The following CHRNA7 variants were observed in gnomAD, a reference collection of about 807,000 sequenced individuals.
CHRNA7 encodes neuronal acetylcholine receptor subunit alpha-7.
CHRNA7 carries 17 observed loss-of-function variants against 48.0 expected under a neutral mutation model. The ratio of observed to expected loss-of-function variants is 0.35; its 90% CI spans 0.24 to 0.53. The LOEUF is 0.53. Ranked by LOEUF, CHRNA7 falls within the 20% of genes least tolerant of loss-of-function variation. The probability of loss-of-function intolerance (pLI) is 0.92; values close to 1 mark genes in which losing one functional copy is unlikely to be tolerated. For missense variants in CHRNA7, 155 were observed against 577.7 expected, an observed-to-expected ratio of 0.27 and a Z score of 7.50; for synonymous variants, 75 against 242.3, an observed-to-expected ratio of 0.31 and a Z score of 6.41.
intron 2 of CHRNA7, among the ~76,000 whole-genome samples, chr15:32,067,222 A>C (rs1006435602): frequency 6.6e-6 from 1 of 152,336 alleles, no homozygotes; most frequent in East Asian, 1.9e-4. Context: ...CCACACCTAG[A>C]TACATCATAA....
chr15:32,059,717 T>G (rs1566810509), intron 2 of CHRNA7, among the ~76,000 whole-genome samples: 3 of 152,062 alleles, frequency 2.0e-5, no homozygotes, highest in South Asian at 4.2e-4. Context: ...AGTACAGATA[T>G]AGAGAAATGA....
At chr15:32,132,601 A>T (rs2051175293) in intron 4 of CHRNA7, among the ~76,000 whole-genome samples, 1 of 152,154 alleles carries the variant, frequency 6.6e-6, no homozygotes, top group South Asian at 2.1e-4. Context: ...GGTTCCCTGA[A>T]GAGAACTCTC....
chr15:32,150,409 C>A (rs62003659), intron 4 of CHRNA7, among the ~76,000 whole-genome samples: 1 of 152,020 alleles, frequency 6.6e-6, no homozygotes, highest in Non-Finnish European at 1.5e-5. Flanking sequence ...GATGGGGGAA[C>A]GCATCCCACG....
chr15:32,069,136 A>G (rs981940874), intron 2 of CHRNA7, among the ~76,000 whole-genome samples: 1 of 152,240 alleles, frequency 6.6e-6, no homozygotes, highest in Non-Finnish European at 1.5e-5. Flanking sequence ...ATTAGACCTA[A>G]TAGACACATC....
At chr15:32,049,529 G>C (rs987695923) in intron 2 of CHRNA7, among the ~76,000 whole-genome samples, 3 of 152,024 alleles carry the variant, frequency 2.0e-5, no homozygotes, top group African/African-American at 4.8e-5. Flanking sequence ...TAATTTTGAG[G>C]CTATGTGTGT....
intron 2 of CHRNA7, among the ~76,000 whole-genome samples, chr15:32,050,550 A>T (rs71605948): frequency 3.9e-5 from 6 of 152,044 alleles, no homozygotes; most frequent in African/African-American, 1.4e-4. Flanking sequence ...CATTCGTCTA[A>T]ATTTTTTTCA....
chr15:32,083,967 G>A (rs1258085842), intron 2 of CHRNA7, among the ~76,000 whole-genome samples: 1 of 152,152 alleles, frequency 6.6e-6, no homozygotes, highest in African/African-American at 2.4e-5. Context: ...CTATTCATCA[G>A]TATAAGCCCT....
At chr15:32,120,745 C>T (rs975344644) in intron 4 of CHRNA7, among the ~76,000 whole-genome samples, 5 of 152,116 alleles carry the variant, frequency 3.3e-5, no homozygotes, top group Non-Finnish European at 7.3e-5. Flanking sequence ...AGCTCCCCAA[C>T]CCCCTGCACC....
chr15:32,114,064 A>ATATATGTATG (rs2050820823), intron 4 of CHRNA7, among the ~76,000 whole-genome samples: 1 of 133,008 alleles, frequency 7.5e-6, no homozygotes, highest in African/African-American at 2.8e-5. Flanking sequence ...ATATATACAT[A>ATATATGTATG]TATATATATA....
At chr15:32,143,363 A>C (rs1481558421) in intron 4 of CHRNA7, among the ~76,000 whole-genome samples, 1 of 152,204 alleles carries the variant, frequency 6.6e-6, no homozygotes, top group Non-Finnish European at 1.5e-5. Context: ...TTTTAGAATA[A>C]GTGCAATGTG....
Position 32,044,872 on chromosome 15 carries a change from A to T in CHRNA7, c.195+13835A>T, listed in dbSNP as rs540057804. On this transcript the variant is annotated intron_variant, in intron 2 of 9. Transcript: ENST00000306901. ...CTGGCCCCCAATTTCAACAGTGCTG[A>T]GATGGAGAAGACTAATTTATTCCAT... Among the ~76,000 whole-genome samples, 4 of 152,338 alleles carry T rather than the reference A, an allele frequency of 2.6e-5. No homozygotes were observed. The South Asian group carries it at 8.3e-4, about 32-fold the overall frequency.
intron 2 of CHRNA7, among the ~76,000 whole-genome samples, chr15:32,059,329 G>C (rs1317845253): frequency 3.3e-5 from 5 of 152,284 alleles, no homozygotes; most frequent in African/African-American, 1.2e-4. Flanking sequence ...AATGGATTAT[G>C]CAGTAGCCAA....
At chr15:32,138,519 A>T (rs1183060628) in intron 4 of CHRNA7, among the ~76,000 whole-genome samples, 1 of 149,752 alleles carries the variant, frequency 6.7e-6, no homozygotes, top group Non-Finnish European at 1.5e-5. Context: ...AGATGAACTG[A>T]TGCAGACACA....
At chr15:32,109,565 C>T (rs1434104452) in intron 3 of CHRNA7, among the ~76,000 whole-genome samples, 1 of 152,172 alleles carries the variant, frequency 6.6e-6, no homozygotes, top group Non-Finnish European at 1.5e-5. Flanking sequence ...CAAGGGAAAA[C>T]AGCAGATGGG....
intron 4 of CHRNA7, among the ~76,000 whole-genome samples, chr15:32,147,982 C>T (rs1015716100): frequency 6.6e-6 from 1 of 152,134 alleles, no homozygotes; most frequent in Non-Finnish European, 1.5e-5. Flanking sequence ...GTAAATGACA[C>T]CTTAGATCAG....
intron 4 of CHRNA7, among the ~76,000 whole-genome samples, chr15:32,119,930 A>C (rs1190037721): frequency 6.6e-6 from 1 of 152,146 alleles, no homozygotes; most frequent in Non-Finnish European, 1.5e-5. Context: ...CTGACTGTTA[A>C]TGCTGTCTGC....
chr15:32,096,935 G>A lies in CHRNA7; in HGVS notation c.196-4368G>A, dbSNP rs373121915. Among the ~76,000 whole-genome samples, 6 of 152,198 alleles carry A rather than the reference G, an allele frequency of 3.9e-5. No homozygotes were observed. The East Asian group carries it at 7.7e-4, about 20-fold the overall frequency. On this transcript the variant is annotated intron_variant, in intron 2 of 9. Coordinates refer to ENST00000306901, the MANE Select transcript of CHRNA7 (RefSeq NM_000746.6). ...CACCGGCCTTCTGGGATTCTGTGGC[G>A]GGCTGGGGACCCTGCCTCCTCCTGT...
At position 32,033,734 on chromosome 15, in the gene CHRNA7, G is replaced by A. The variant is rs145747997; in HGVS notation, c.195+2697G>A. 4.6e-3 allele frequency among the ~76,000 whole-genome samples: 700 copies of A among 152,288 alleles called. 10 individuals are homozygous for A. The highest frequency in any genetic ancestry group is 0.016 in the African/African-American group (673 of 41,556). On this transcript the variant is annotated intron_variant, in intron 2 of 9. Transcript: ENST00000306901. ...ACACAATGGTTCTCATAAAGGCTTCGTGTGGCAAAATCTTGGCTGGTATAG... is the reference window on the plus strand; with the variant it reads ...ACACAATGGTTCTCATAAAGGCTTCATGTGGCAAAATCTTGGCTGGTATAG...
At chr15:32,107,056 G>A (rs1274037093) in intron 3 of CHRNA7, among the ~76,000 whole-genome samples, 1 of 152,030 alleles carries the variant, frequency 6.6e-6, no homozygotes, top group Admixed American at 6.5e-5. Flanking sequence ...GGGTCAGTGG[G>A]GTGGAAAGGC....
Sources: gnomAD v4.1 joint callset for allele counts (sites outside exome capture counted in the v4.1 genomes callset) on GRCh38, gnomAD v4.1.1 for gene constraint, MANE v1.5 for transcripts, NCBI Gene and HGNC (gene_info 2026-07-23, HGNC 2026-07-21) for gene names.